The following MSRA variants were observed in gnomAD, a reference collection of about 807,000 sequenced individuals.
The protein encoded by MSRA is mitochondrial peptide methionine sulfoxide reductase.
MSRA carries 54 observed loss-of-function variants against 31.3 expected under a neutral mutation model. That is an observed-to-expected ratio of 1.73 (90% CI 1.39 to 2.17). The LOEUF is 2.17. Ranked by LOEUF, MSRA falls within the 30% of genes most tolerant of loss-of-function variation. MSRA has a pLI of 0.00. For missense variants in MSRA, 507 were observed against 300.9 expected (o/e 1.69, Z -5.07); for synonymous variants, 169 against 116.5 (o/e 1.45, Z -2.90).
chr8:10,381,819 A>C (rs1806087718), intron 5 of MSRA, among the ~76,000 whole-genome samples: 1 of 152,060 alleles, frequency 6.6e-6, no homozygotes, highest in Non-Finnish European at 1.5e-5. Context: ...TAACAATGAC[A>C]CCTGAAGTCA....
intron 2 of MSRA, among the ~76,000 whole-genome samples, chr8:10,214,642 T>C (rs1809830170): frequency 6.6e-6 from 1 of 152,086 alleles, no homozygotes; most frequent in Non-Finnish European, 1.5e-5. Context: ...AAGAATGACA[T>C]TGAAATGTGT....
chr8:10,165,188 T>A (rs892717646), intron 1 of MSRA, among the ~76,000 whole-genome samples: 1 of 152,210 alleles, frequency 6.6e-6, no homozygotes, highest in African/African-American at 2.4e-5. Context: ...GCTGGCCGCC[T>A]TTTTGCTTTA....
chr8:10,133,555 G>A (rs954642530), intron 1 of MSRA, among the ~76,000 whole-genome samples: 1 of 152,182 alleles, frequency 6.6e-6, no homozygotes, highest in Non-Finnish European at 1.5e-5. Context: ...GGGCTTTGCT[G>A]CCTACCAGCT....
intron 1 of MSRA, among the ~76,000 whole-genome samples, chr8:10,077,045 TAA>T (rs543152237): frequency 5.0e-5 from 7 of 139,096 alleles, no homozygotes; most frequent in Non-Finnish European, 4.6e-5. Flanking sequence ...CCTCAGAACT[TAA>T]AAAAAAAAAA....
At chr8:10,145,204 G>A (rs914560510) in intron 1 of MSRA, among the ~76,000 whole-genome samples, 1 of 152,190 alleles carries the variant, frequency 6.6e-6, no homozygotes, top group African/African-American at 2.4e-5. Context: ...GGCGAGAACC[G>A]TCCGATCGGA....
intron 3 of MSRA, 24 bp from the exon 4 acceptor site, chr8:10,301,510 G>T: frequency 6.3e-7 from 1 of 1,585,526 alleles, no homozygotes; most frequent in Non-Finnish European, 8.6e-7. Context: ...GTAAATTTCG[G>T]TTGTACGTTT....
chr8:10,252,257 C>G (rs993150019), intron 3 of MSRA, among the ~76,000 whole-genome samples: 1 of 152,130 alleles, frequency 6.6e-6, no homozygotes, highest in Non-Finnish European at 1.5e-5. Flanking sequence ...GACTAGAACA[C>G]CCAAAAGAAG....
intron 1 of MSRA, among the ~76,000 whole-genome samples, chr8:10,177,312 A>C (rs1806141323): frequency 6.6e-6 from 1 of 152,256 alleles, no homozygotes; most frequent in Non-Finnish European, 1.5e-5. Flanking sequence ...ACAACTCAAT[A>C]AACCTGATGT....
rs1809337128 is a variant in MSRA, at chr8:10,428,451, T to C, written c.*139T>C. ...TTTATACAGATTGGGTTTACCGAAG[T>C]ATAATCTATAGGAGGCGCGATGGCA... On this transcript the variant is annotated 3_prime_UTR_variant, in exon 6 of 6. Transcript: ENST00000317173. The C allele has an allele frequency of 1.1e-6, 1 of 933,540 alleles. No homozygotes were observed. The highest frequency in any genetic ancestry group is 2.6e-5 in the East Asian group (1 of 37,770). The allele number at this position is 933,540 out of a possible 1,614,324, so 57.8% of individuals were successfully genotyped here.
At chr8:10,355,133 A>G (rs1804432980) in intron 5 of MSRA, among the ~76,000 whole-genome samples, 1 of 152,016 alleles carries the variant, frequency 6.6e-6, no homozygotes, top group Admixed American at 6.5e-5. Flanking sequence ...GGTTCCGTGC[A>G]CCTCCTTTAT....
intron 5 of MSRA, among the ~76,000 whole-genome samples, chr8:10,381,100 G>A (rs1037777379): frequency 6.6e-6 from 1 of 152,190 alleles, no homozygotes; most frequent in African/African-American, 2.4e-5. Context: ...CTATTCCTAT[G>A]CTTCTGTGGC....
intron 1 of MSRA, among the ~76,000 whole-genome samples, chr8:10,164,012 C>A (rs565670530): frequency 6.6e-6 from 1 of 152,260 alleles, no homozygotes; most frequent in East Asian, 1.9e-4. Context: ...AGAAGAAATT[C>A]TCTTAGCCTG....
chr8:10,392,916 G>C (rs1272655504), intron 5 of MSRA, among the ~76,000 whole-genome samples: 7 of 119,296 alleles, frequency 5.9e-5, no homozygotes, highest in Admixed American at 1.7e-4. Flanking sequence ...AAAAAAATTA[G>C]CCGGCAGTAA....
intron 5 of MSRA, among the ~76,000 whole-genome samples, chr8:10,402,614 G>C (rs1585693644): frequency 6.6e-6 from 1 of 152,216 alleles, no homozygotes; most frequent in Non-Finnish European, 1.5e-5. Context: ...AGCTCGGGGA[G>C]AGGGATAGGG....
At chr8:10,291,553 TC>T (rs1349265410) in intron 3 of MSRA, among the ~76,000 whole-genome samples, 1 of 152,172 alleles carries the variant, frequency 6.6e-6, no homozygotes, top group Non-Finnish European at 1.5e-5. Context: ...ACATTTTCTA[TC>T]CGCAGGAGCT....
At position 10,145,880 on chromosome 8, in the gene MSRA, TATC is replaced by T. The variant is rs1178229266; in HGVS notation, c.143-61950_143-61948del. On this transcript the variant is annotated intron_variant, in intron 1 of 5. Transcript: ENST00000317173. ...CATTGTAACTTGAAAGCTTATTCAA[TATC>T]ATTGTTTCATCATTACTATTATTAA... Among the ~76,000 whole-genome samples, 7 of 152,326 alleles carry T rather than the reference TATC, an allele frequency of 4.6e-5. No homozygotes were observed. The South Asian group carries it at 8.3e-4, about 18-fold the overall frequency.
chr8:10,206,698 G>C (rs1312505597), intron 1 of MSRA, among the ~76,000 whole-genome samples: 9 of 152,214 alleles, frequency 5.9e-5, no homozygotes, highest in African/African-American at 1.9e-4. Flanking sequence ...TCGGACTCCA[G>C]GAGTGGCAGC....
intron 5 of MSRA, chr8:10,353,513 G>C (rs535913793): frequency 2.3e-6 from 1 of 432,268 alleles, no homozygotes; most frequent in African/African-American, 2.0e-5. Flanking sequence ...ATCTGTGTTA[G>C]CAGTTGGTCC....
intron 5 of MSRA, among the ~76,000 whole-genome samples, chr8:10,331,126 C>G (rs1391227635): frequency 6.6e-6 from 1 of 152,222 alleles, no homozygotes; most frequent in Non-Finnish European, 1.5e-5. Flanking sequence ...ATAAACCTAC[C>G]TTGCCAGAAC....
Sources: gnomAD v4.1 joint callset for allele counts (sites outside exome capture counted in the v4.1 genomes callset) on GRCh38, gnomAD v4.1.1 for gene constraint, MANE v1.5 for transcripts, NCBI Gene and HGNC (gene_info 2026-07-23, HGNC 2026-07-21) for gene names.